KRTAP5-3: variants seen among roughly 807,000 people sequenced by gnomAD.
KRTAP5-3 encodes the protein keratin-associated protein 5-3.
In KRTAP5-3, 1 loss-of-function variant was observed where a neutral mutation model predicts 2.3. The ratio of observed to expected loss-of-function variants is 0.44; its 90% confidence interval spans 0.16 to 2.10. The LOEUF (loss-of-function observed/expected upper bound fraction) is 2.10. KRTAP5-3 is among the 30% of genes most tolerant of loss of function. KRTAP5-3 has a pLI of 0.28. For missense variants in KRTAP5-3, 229 were observed against 291.4 expected, an observed-to-expected ratio of 0.79 and a Z score of 1.56; for synonymous variants, 92 against 117.6, an observed-to-expected ratio of 0.78 and a Z score of 1.41.
rs778927601 is a variant in KRTAP5-3, at chr11:1,608,128, G to A, written c.258C>T (p.Gly86=). 2 of 1,604,448 alleles carry A rather than the reference G, an allele frequency of 1.2e-6. No individual in the cohort carries two copies. Among genetic ancestry groups the A allele is most frequent in the South Asian group, 2.2e-5 (2 of 90,548 alleles). The change falls in exon 1 of 1, where the codon GGC becomes GGT. Residue 86 remains glycine, a synonymous_variant. Transcript: ENST00000399685. Reference sequence around the variant, plus strand: ...CGGGCACACAGCAGCTGGAGCCACAGCCCCCCTTGGAGCCTCCACAGGAGC... The same window carrying A: ...CGGGCACACAGCAGCTGGAGCCACAACCCCCCTTGGAGCCTCCACAGGAGC... ...GCGSCGGSKG[G]CGSSCCVPVC...
At position 1,607,991 on chromosome 11, in the gene KRTAP5-3, T is replaced by G. The variant is rs370750947; in HGVS notation, c.395A>C (p.Tyr132Ser). Residue 132 changes from tyrosine to serine, a missense_variant, in exon 1 of 1, where the codon TAT (tyrosine) becomes TCT (serine). By Grantham distance (144) the Tyr-to-Ser change is moderately radical. Coordinates refer to ENST00000399685, the MANE Select transcript of KRTAP5-3 (RefSeq NM_001012708.2). Reference sequence around the variant, plus strand: ...GCCTGAGGAGCAGCAGCAGGGCTTATAGCAGCTGCACTGGGAGCAGCCACA... The same window carrying G: ...GCCTGAGGAGCAGCAGCAGGGCTTAGAGCAGCTGCACTGGGAGCAGCCACA... ...GSCGCSQCSC[Y>S]KPCCCSSGCG... 32 of 1,612,450 alleles carry G rather than the reference T, an allele frequency of 2.0e-5. No individual in the cohort carries two copies. The Admixed American group carries it at 5.3e-4, about 27-fold the overall frequency.
rs1183230182 is a variant in KRTAP5-3 at position 1,608,095 on chromosome 11, G to C, written c.291C>G (p.Cys97Trp). Reference sequence around the variant, plus strand: ...CCCCACAGGAGCCACAGCTGGAGGAGCAGCAGACGGGCACACAGCAGCTGG... The same window carrying C: ...CCCCACAGGAGCCACAGCTGGAGGACCAGCAGACGGGCACACAGCAGCTGG... The part of the protein sequence containing the change: ...CGSSCCVPVC[C>W]SSSCGSCGGS... The change falls in exon 1 of 1, where the codon TGC becomes TGG. Residue 97 changes from cysteine to tryptophan, a missense_variant. Coordinates refer to ENST00000399685, the MANE Select transcript of KRTAP5-3 (RefSeq NM_001012708.2). The C allele has an allele frequency of 6.2e-7, 1 of 1,606,028 alleles. No homozygotes were observed. Among genetic ancestry groups the C allele is most frequent in the East Asian group, 2.2e-5 (1 of 44,578 alleles).
Position 1,608,271 on chromosome 11 carries a change from C to G in KRTAP5-3, c.115G>C (p.Val39Leu). ...GGCGSGCCVP[V>L]CCCKPVCCCV... ...CAGCACACGGGCTTGCAGCAGCAGA[C>G]AGGTACACAGCAGCCGGAGCCACAG... Residue 39 changes from valine (V) to leucine (L), a missense_variant, in exon 1 of 1, where the codon GTC becomes CTC. Coordinates refer to ENST00000399685, the MANE Select transcript of KRTAP5-3 (RefSeq NM_001012708.2). 6.2e-7 allele frequency: 1 copy of G among 1,612,080 alleles called. No individual in the cohort carries two copies. Among genetic ancestry groups the G allele is most frequent in the South Asian group, 1.1e-5 (1 of 90,942 alleles).
At position 1,608,286 on chromosome 11, in the gene KRTAP5-3, C is replaced by G. The variant is rs538770351; in HGVS notation, c.100G>C (p.Gly34Arg). 4 of 1,605,608 alleles carry G rather than the reference C, an allele frequency of 2.5e-6. No homozygotes were observed. Among genetic ancestry groups the G allele is most frequent in the Non-Finnish European group, 3.4e-6 (4 of 1,177,368 alleles). The change falls in exon 1 of 1, where the codon GGC (glycine) becomes CGC (arginine). Residue 34 changes from glycine (G) to arginine (R), a missense_variant. This residue lies in a region of KRTAP5-3 where 190 missense variants were observed against 207.6 expected (regional missense o/e 0.92). Transcript: ENST00000399685. ...CGSGYGGCGS[G>R]CCVPVCCCKP... is the part of the protein sequence containing the mutation. Reference sequence around the variant, plus strand: ...CAGCAGCAGACAGGTACACAGCAGCCGGAGCCACAGCCCCCATAGCCGGAG... The same window carrying G: ...CAGCAGCAGACAGGTACACAGCAGCGGGAGCCACAGCCCCCATAGCCGGAG...
rs770676797 is a variant in KRTAP5-3, at chr11:1,607,857, A to C, written c.529T>G (p.Ser177Ala). 3 of 1,601,002 alleles carry C rather than the reference A, an allele frequency of 1.9e-6. No individual in the cohort carries two copies. Among genetic ancestry groups the C allele is most frequent in the Non-Finnish European group, 2.6e-6 (3 of 1,172,598 alleles). The change falls in exon 1 of 1, where the codon TCC becomes GCC. Residue 177 changes from serine to alanine, a missense_variant. By Grantham distance (99) the Ser-to-Ala change is moderately conservative. Coordinates refer to ENST00000399685, the MANE Select transcript of KRTAP5-3 (RefSeq NM_001012708.2). The stretch of plus-strand genomic sequence containing the variant: ...CAGCAGGATGACCCACAGCCTGAGG[A>C]GCAGCAGCAGGGCTTACAGCAGCTG... Reference protein sequence around the residue: ...QSSCCKPCCCSSGCGSSCCQS... With the variant: ...QSSCCKPCCCASGCGSSCCQS...
chr11:1,607,922 C>A lies in KRTAP5-3; in HGVS notation c.464G>T (p.Cys155Phe), dbSNP rs548851553. 3.1e-6 allele frequency: 5 copies of A among 1,608,374 alleles called. No individual in the cohort carries two copies. Among genetic ancestry groups the A allele is most frequent in the Non-Finnish European group, 4.2e-6 (5 of 1,177,464 alleles). The change falls in exon 1 of 1, where the codon TGC (cysteine) becomes TTC (phenylalanine). Residue 155 changes from cysteine to phenylalanine, a missense_variant. Physicochemically the swap from Cys to Phe is radical, Grantham distance 205 (BLOSUM62 -2). Around this residue, in one of 2 missense-constraint regions of KRTAP5-3, gnomAD observed 190 missense variants for 207.6 expected, o/e 0.92. Coordinates refer to ENST00000399685, the MANE Select transcript of KRTAP5-3 (RefSeq NM_001012708.2). Reference protein sequence around the residue: ...CCQSSCCKPSCSQSSCCKPCC... With the variant: ...CCQSSCCKPSFSQSSCCKPCC... The stretch of plus-strand genomic sequence containing the variant: ...GGGCTTACAGCAGCTGGACTGGGAG[C>A]AGCTGGGCTTGCAGCAGCTGGACTG...
rs756119271 is a variant in KRTAP5-3, at chr11:1,608,193, C to T, written c.193G>A (p.Gly65Arg). ...SSCGSCGGSK[G>R]VCGSCGGCKG... is the part of the protein sequence containing the mutation. ...CAGCCCCCACAAGAGCCACAGACCC[C>T]CTTGGAGCCCCCACAGGAGCCACAG... Residue 65 changes from glycine (G) to arginine (R), a missense_variant, in exon 1 of 1, where the codon GGG becomes AGG. Coordinates refer to ENST00000399685, the MANE Select transcript of KRTAP5-3 (RefSeq NM_001012708.2). The T allele has an allele frequency of 2.5e-6, 4 of 1,606,588 alleles. No homozygotes were observed. The highest frequency in any genetic ancestry group is 3.4e-6 in the Non-Finnish European group (4 of 1,177,684).
In KRTAP5-3 at chr11:1,608,311, G is replaced by A; in HGVS notation, c.75C>T (p.Gly25=). Residue 25 remains glycine (G), a synonymous_variant, in exon 1 of 1, where the codon GGC becomes GGT. Coordinates refer to ENST00000399685, the MANE Select transcript of KRTAP5-3 (RefSeq NM_001012708.2). ...GGCGSSCGGC[G]SGYGGCGSGC... ...CGGAGCCACAGCCCCCATAGCCGGA[G>A]CCACAGCCCCCACAGCTGGAGCCAC... is the stretch of plus-strand genomic sequence containing the variant. 1 of 1,609,882 alleles carries A rather than the reference G, an allele frequency of 6.2e-7. No homozygotes were observed. Among genetic ancestry groups the A allele is most frequent in the African/African-American group, 1.4e-5 (1 of 73,478 alleles).
In KRTAP5-3 at chr11:1,608,127, AG is replaced by A; in HGVS notation, c.258del (p.Cys87ValfsTer179). 6.3e-7 allele frequency: 1 copy of A among 1,581,262 alleles called. No individual in the cohort carries two copies. Among genetic ancestry groups the A allele is most frequent in the Non-Finnish European group, 8.6e-7 (1 of 1,164,014 alleles). The stretch of plus-strand genomic sequence containing the variant: ...ACGGGCACACAGCAGCTGGAGCCAC[AG>A]CCCCCCTTGGAGCCTCCACAGGAGC... The part of the protein sequence containing the change: ...GCGSCGGSKG[G>X]CGSSCCVPVC... On this transcript the variant is annotated frameshift_variant, in exon 1 of 1. Transcript: ENST00000399685. LOFTEE classifies it low-confidence loss of function (END_TRUNC).
Position 1,607,942 on chromosome 11 carries a change from G to T in KRTAP5-3, c.444C>A (p.Ser148=), listed in dbSNP as rs753202445. 2.5e-6 allele frequency: 4 copies of T among 1,613,942 alleles called. No homozygotes were observed. The highest frequency in any genetic ancestry group is 4.5e-5 in the East Asian group (2 of 44,856). ...GGGAGCAGCTGGGCTTGCAGCAGCT[G>T]GACTGGCAGCAGGATGACCCACAGC... ...SSGCGSSCCQ[S]SCCKPSCSQS... The change falls in exon 1 of 1, where the codon TCC becomes TCA. Residue 148 remains serine (S), a synonymous_variant. Transcript: ENST00000399685.
At position 1,608,060 on chromosome 11, in the gene KRTAP5-3, C is replaced by A; in HGVS notation, c.326G>T (p.Gly109Val). 2.6e-6 allele frequency: 4 copies of A among 1,558,114 alleles called. No individual in the cohort carries two copies. Among genetic ancestry groups the A allele is most frequent in the Non-Finnish European group, 3.5e-6 (4 of 1,146,948 alleles). Residue 109 changes from glycine (G) to valine (V), a missense_variant, in exon 1 of 1, where the codon GGG becomes GTG. Coordinates refer to ENST00000399685, the MANE Select transcript of KRTAP5-3 (RefSeq NM_001012708.2). Reference protein sequence around the residue: ...SSCGSCGGSKGVCGFRGGSKG... With the variant: ...SSCGSCGGSKVVCGFRGGSKG... Reference sequence around the variant, plus strand: ...GGAGCCCCCACGAAATCCACAGACCCCCTTGGAACCCCCACAGGAGCCACA... The same window carrying A: ...GGAGCCCCCACGAAATCCACAGACCACCTTGGAACCCCCACAGGAGCCACA...
Position 1,608,101 on chromosome 11 carries a change from G to A in KRTAP5-3, c.285C>T (p.Val95=), listed in dbSNP as rs1849435596. 1 of 1,605,980 alleles carries A rather than the reference G, an allele frequency of 6.2e-7. No homozygotes were observed. The highest frequency in any genetic ancestry group is 8.5e-7 in the Non-Finnish European group (1 of 1,178,322). The change falls in exon 1 of 1, where the codon GTC becomes GTT. Residue 95 remains valine, a synonymous_variant. Transcript: ENST00000399685. ...AGGAGCCACAGCTGGAGGAGCAGCAGACGGGCACACAGCAGCTGGAGCCAC... is the reference window on the plus strand; with the variant it reads ...AGGAGCCACAGCTGGAGGAGCAGCAAACGGGCACACAGCAGCTGGAGCCAC... ...GGCGSSCCVP[V]CCSSSCGSCG...
rs370759633 is a variant in KRTAP5-3 at position 1,608,170 on chromosome 11, G to A, written c.216C>T (p.Gly72=). Residue 72 remains glycine (G), a synonymous_variant, in exon 1 of 1, where the codon GGC becomes GGT. Coordinates refer to ENST00000399685, the MANE Select transcript of KRTAP5-3 (RefSeq NM_001012708.2). ...GSKGVCGSCG[G]CKGGCGSCGG... ...CACAGGAGCCACAGCCCCCCTTGCA[G>A]CCCCCACAAGAGCCACAGACCCCCT... 223 of 1,594,786 alleles carry A rather than the reference G, an allele frequency of 1.4e-4. No individual in the cohort carries two copies. The highest frequency in any genetic ancestry group is 1.8e-4 in the Non-Finnish European group (211 of 1,173,984).
rs759998694 is a variant in KRTAP5-3, at chr11:1,608,003, T to C, written c.383A>G (p.Gln128Arg). ...KGGCGSCGCS[Q>R]CSCYKPCCCS... ...GCAGCAGGGCTTATAGCAGCTGCAC[T>C]GGGAGCAGCCACAAGAACCGCAGCC... Residue 128 changes from glutamine to arginine, a missense_variant, in exon 1 of 1, where the codon CAG becomes CGG. Transcript: ENST00000399685. 1.2e-6 allele frequency: 2 copies of C among 1,613,488 alleles called. No homozygotes were observed. The highest frequency in any genetic ancestry group is 1.7e-6 in the Non-Finnish European group (2 of 1,179,764).
rs531596632 is a variant in KRTAP5-3, at chr11:1,608,248, G to A, written c.138C>T (p.Cys46=). 2 of 1,611,112 alleles carry A rather than the reference G, an allele frequency of 1.2e-6. No homozygotes were observed. The highest frequency in any genetic ancestry group is 8.5e-7 in the Non-Finnish European group (1 of 1,179,592). The change falls in exon 1 of 1, where the codon TGC becomes TGT. Residue 46 remains cysteine, a synonymous_variant. Transcript: ENST00000399685. ...CVPVCCCKPV[C]CCVPACSCSS... is the part of the protein sequence containing the mutation. ...AGCAGGAACAGGCTGGCACACAGCAGCACACGGGCTTGCAGCAGCAGACAG... is the reference window on the plus strand; with the variant it reads ...AGCAGGAACAGGCTGGCACACAGCAACACACGGGCTTGCAGCAGCAGACAG...
chr11:1,607,847 C>T lies in KRTAP5-3; in HGVS notation c.539G>A (p.Cys180Tyr). The change falls in exon 1 of 1, where the codon TGT (cysteine) becomes TAT (tyrosine). Residue 180 changes from cysteine to tyrosine, a missense_variant. Physicochemically the swap from Cys to Tyr is radical, Grantham distance 194. Around this residue, in one of 2 missense-constraint regions of KRTAP5-3, gnomAD observed 39 missense variants for 83.8 expected, o/e 0.47. Transcript: ENST00000399685. The stretch of plus-strand genomic sequence containing the variant: ...GCTGGACTGGCAGCAGGATGACCCA[C>T]AGCCTGAGGAGCAGCAGCAGGGCTT... Reference protein sequence around the residue: ...CCKPCCCSSGCGSSCCQSSCC... With the variant: ...CCKPCCCSSGYGSSCCQSSCC... 1.9e-6 allele frequency: 3 copies of T among 1,601,780 alleles called. No homozygotes were observed. Among genetic ancestry groups the T allele is most frequent in the Non-Finnish European group, 2.6e-6 (3 of 1,172,604 alleles).
rs548851553 is a variant in KRTAP5-3, at chr11:1,607,922, C to G, written c.464G>C (p.Cys155Ser). The change falls in exon 1 of 1, where the codon TGC (cysteine) becomes TCC (serine). Residue 155 changes from cysteine (C) to serine (S), a missense_variant. Coordinates refer to ENST00000399685, the MANE Select transcript of KRTAP5-3 (RefSeq NM_001012708.2). The part of the protein sequence containing the change: ...CCQSSCCKPS[C>S]SQSSCCKPCC... ...GGGCTTACAGCAGCTGGACTGGGAGCAGCTGGGCTTGCAGCAGCTGGACTG... is the reference window on the plus strand; with the variant it reads ...GGGCTTACAGCAGCTGGACTGGGAGGAGCTGGGCTTGCAGCAGCTGGACTG... The G allele has an allele frequency of 8.1e-6, 13 of 1,608,374 alleles. No homozygotes were observed. The South Asian group carries it at 1.3e-4, about 16-fold the overall frequency.
At position 1,607,856 on chromosome 11, in the gene KRTAP5-3, G is replaced by A; in HGVS notation, c.530C>T (p.Ser177Phe). The change falls in exon 1 of 1, where the codon TCC becomes TTC. Residue 177 changes from serine to phenylalanine, a missense_variant. Physicochemically the swap from Ser to Phe is radical, Grantham distance 155. Coordinates refer to ENST00000399685, the MANE Select transcript of KRTAP5-3 (RefSeq NM_001012708.2). The part of the protein sequence containing the change: ...QSSCCKPCCC[S>F]SGCGSSCCQS... The stretch of plus-strand genomic sequence containing the variant: ...GCAGCAGGATGACCCACAGCCTGAG[G>A]AGCAGCAGCAGGGCTTACAGCAGCT... 6.2e-7 allele frequency: 1 copy of A among 1,602,136 alleles called. No individual in the cohort carries two copies. The highest frequency in any genetic ancestry group is 8.5e-7 in the Non-Finnish European group (1 of 1,172,758).
chr11:1,607,933 G>A lies in KRTAP5-3; in HGVS notation c.453C>T (p.Cys151=), dbSNP rs76071829. 5 of 1,605,124 alleles carry A rather than the reference G, an allele frequency of 3.1e-6. No homozygotes were observed. In the East Asian group the frequency reaches 9.0e-5, roughly 29 times the overall value. The change falls in exon 1 of 1, where the codon TGC becomes TGT. Residue 151 remains cysteine (C), a synonymous_variant. Coordinates refer to ENST00000399685, the MANE Select transcript of KRTAP5-3 (RefSeq NM_001012708.2). ...AGCTGGACTGGGAGCAGCTGGGCTTGCAGCAGCTGGACTGGCAGCAGGATG... is the reference window on the plus strand; with the variant it reads ...AGCTGGACTGGGAGCAGCTGGGCTTACAGCAGCTGGACTGGCAGCAGGATG... ...CGSSCCQSSC[C]KPSCSQSSCC... is the part of the protein sequence containing the mutation.
Sources: gnomAD v4.1 joint callset for allele counts on GRCh38, gnomAD v4.1.1 for gene constraint, gnomAD v4.1.1 regional missense constraint, MANE v1.5 for transcripts, NCBI Gene and HGNC (gene_info 2026-07-23, HGNC 2026-07-21) for gene names.